The following ABCA1 variants were observed in gnomAD, a reference collection of about 807,000 sequenced individuals.
ABCA1 encodes phospholipid-transporting ATPase ABCA1.
A neutral mutation model predicts 262.5 loss-of-function variants in ABCA1; 133 were observed. The observed-to-expected ratio is 0.51, with a 90% CI of 0.44 to 0.59. The LOEUF (loss-of-function observed/expected upper bound fraction) is 0.59, where lower values mean the gene tolerates loss of function less well. Among genes scored for constraint, ABCA1 ranks in the 20% least tolerant of loss-of-function variants. The probability of loss-of-function intolerance (pLI) is 0.00; values close to 1 mark genes in which losing one functional copy is unlikely to be tolerated. For missense variants in ABCA1, 2,452 were observed against 2,777.5 expected, an observed-to-expected ratio of 0.88 and a Z score of 2.63; for synonymous variants, 1,022 against 1,043.5, an observed-to-expected ratio of 0.98 and a Z score of 0.40.
At chr9:104,854,299 A>C (rs910548686) in intron 7 of ABCA1, among the ~76,000 whole-genome samples, 2 of 152,110 alleles carry the variant, frequency 1.3e-5, no homozygotes, top group South Asian at 2.1e-4. Flanking sequence ...GAGCCCCCCC[A>C]AAAAAACACA....
chr9:104,854,264 G>A (rs1835638140), intron 7 of ABCA1, among the ~76,000 whole-genome samples: 1 of 152,084 alleles, frequency 6.6e-6, no homozygotes, highest in Non-Finnish European at 1.5e-5. Flanking sequence ...TATCCTGGAT[G>A]AGCTCCAAAG....
Position 104,840,269 on chromosome 9 carries a change from G to C in ABCA1, c.1054+10C>G. The C allele has an allele frequency of 6.2e-7, 1 of 1,614,114 alleles. No individual in the cohort carries two copies. Among genetic ancestry groups the C allele is most frequent in the South Asian group, 1.1e-5 (1 of 91,058 alleles). ...TTGGGGACAGGGCTGGGGTCTGCATGGACACTCACTTGTAGAGTTGTCATA... is the reference window on the plus strand; with the variant it reads ...TTGGGGACAGGGCTGGGGTCTGCATCGACACTCACTTGTAGAGTTGTCATA... On this transcript the variant is annotated intron_variant, in intron 9 of 49. Transcript: ENST00000374736.
chr9:104,886,681 G>A lies in ABCA1; in HGVS notation c.161-2113C>T, dbSNP rs552584374. 1.5e-4 allele frequency among the ~76,000 whole-genome samples: 23 copies of A among 152,324 alleles called. 1 individual carries two copies. Among genetic ancestry groups the A allele is most frequent in the African/African-American group, 5.5e-4 (23 of 41,574 alleles). On this transcript the variant is annotated intron_variant, in intron 3 of 49. Transcript: ENST00000374736. Reference sequence around the variant, plus strand: ...GGTATTTCAGGTTATCCCTTAGCAGGGGTGGCAAAGGCCCTTCCTTGTACG... The same window carrying A: ...GGTATTTCAGGTTATCCCTTAGCAGAGGTGGCAAAGGCCCTTCCTTGTACG...
chr9:104,825,810 C>A lies in ABCA1; in HGVS notation c.2415G>T (p.Gln805His), dbSNP rs1203951749. The change falls in exon 17 of 50, where the codon CAG (glutamine) becomes CAT (histidine). Residue 805 changes from glutamine to histidine, a missense_variant. Gln to His is a conservative substitution (Grantham distance 24, BLOSUM62 0). This residue lies in a region of ABCA1 where 1,032 missense variants were observed against 1,089.7 expected (regional missense o/e 0.95). Transcript: ENST00000374736. Reference protein sequence around the residue: ...ALFEEQGIGVQWDNLFESPVE... With the variant: ...ALFEEQGIGVHWDNLFESPVE... ...CAGGACTCTCAAACAGGTTGTCCCA[C>A]TGCACTCCAATGCCCTGCTCCTCAA... 1 of 1,614,114 alleles carries A rather than the reference C, an allele frequency of 6.2e-7. No individual in the cohort carries two copies. The highest frequency in any genetic ancestry group is 8.5e-7 in the Non-Finnish European group (1 of 1,180,042).
intron 2 of ABCA1, among the ~76,000 whole-genome samples, chr9:104,893,743 G>A (rs1839972923): frequency 6.6e-6 from 1 of 152,140 alleles, no homozygotes; most frequent in Admixed American, 6.5e-5. Flanking sequence ...CAGTAGCGGG[G>A]TTGAGATGAG....
Position 104,796,400 on chromosome 9 carries a change from G to C in ABCA1, c.5146C>G (p.Leu1716Val), listed in dbSNP as rs1829900481. ...DMCNYVVPAT[L>V]VIIIFICFQQ... is the part of the protein sequence containing the mutation. The stretch of plus-strand genomic sequence containing the variant: ...AAGCAGATGAAGATGATAATGACCA[G>C]TGTGGCAGGGACAACGTAATTGCAC... The change falls in exon 38 of 50, where the codon CTG (leucine) becomes GTG (valine). Residue 1716 changes from leucine to valine, a missense_variant. Transcript: ENST00000374736. The C allele has an allele frequency of 6.2e-7, 1 of 1,614,152 alleles. No individual in the cohort carries two copies. The highest frequency in any genetic ancestry group is 2.2e-5 in the East Asian group (1 of 44,874).
chr9:104,876,871 T>C (rs1423941313), intron 5 of ABCA1, among the ~76,000 whole-genome samples: 1 of 152,170 alleles, frequency 6.6e-6, no homozygotes, highest in South Asian at 2.1e-4. Flanking sequence ...TGCCCCACCA[T>C]GCCCTGGCAG....
Position 104,793,376 on chromosome 9 carries a change from T to C in ABCA1, c.5507-76A>G, listed in dbSNP as rs962733385. The C allele has an allele frequency of 1.4e-5, 22 of 1,598,706 alleles. No individual in the cohort carries two copies. In the African/African-American group the frequency reaches 2.7e-4, roughly 19 times the overall value. On this transcript the variant is annotated intron_variant, in intron 40 of 49. Transcript: ENST00000374736. ...TGGCCCTTCCTCAAATTTGGGCCTATGTTCCTTAAAATTCACCGATCTTCC... is the reference window on the plus strand; with the variant it reads ...TGGCCCTTCCTCAAATTTGGGCCTACGTTCCTTAAAATTCACCGATCTTCC...
chr9:104,879,989 G>A (rs146439254), intron 5 of ABCA1, among the ~76,000 whole-genome samples: 6 of 152,292 alleles, frequency 3.9e-5, no homozygotes, highest in African/African-American at 1.2e-4. Context: ...AGCTGTCTTC[G>A]ACTATTTCAA....
intron 3 of ABCA1, 61 bp downstream of exon 3, chr9:104,889,041 G>A (rs1365167444): frequency 3.4e-6 from 5 of 1,460,644 alleles, no homozygotes; most frequent in Admixed American, 1.7e-5. Context: ...TTTAGCCCAC[G>A]TTAATTGCCT....
intron 37 of ABCA1, among the ~76,000 whole-genome samples, chr9:104,797,304 T>TA (rs1471061032): frequency 6.6e-6 from 1 of 152,244 alleles, no homozygotes; most frequent in Non-Finnish European, 1.5e-5. Flanking sequence ...AAAACCCATG[T>TA]AATTTAATAT....
chr9:104,927,880 C>T (rs1272442988), intron 1 of ABCA1, 55 bp downstream of exon 1: 2 of 152,498 alleles, frequency 1.3e-5, no homozygotes, highest in East Asian at 3.9e-4. Flanking sequence ...CCGAAGCCTC[C>T]TTGGCCTCGA....
At chr9:104,912,736 T>C (rs1454637106) in intron 1 of ABCA1, among the ~76,000 whole-genome samples, 1 of 152,188 alleles carries the variant, frequency 6.6e-6, no homozygotes, top group Non-Finnish European at 1.5e-5. Context: ...ATTTGCCTTT[T>C]CCCTGGTCGG....
intron 35 of ABCA1, 39 bp downstream of exon 35, chr9:104,800,471 G>T (rs563949864): frequency 6.3e-7 from 1 of 1,574,952 alleles, no homozygotes; most frequent in African/African-American, 1.3e-5. Flanking sequence ...AAGGATTATT[G>T]TTCATCAAAA....
intron 7 of ABCA1, chr9:104,855,670 G>C (rs1304274534): frequency 2.0e-6 from 3 of 1,483,214 alleles, no homozygotes; most frequent in Non-Finnish European, 2.7e-6. Context: ...AATATATTAT[G>C]TGTATGTAGA....
chr9:104,867,610 C>A (rs1324570597), intron 5 of ABCA1, among the ~76,000 whole-genome samples: 1 of 152,184 alleles, frequency 6.6e-6, no homozygotes, highest in African/African-American at 2.4e-5. Flanking sequence ...TTATTGAGTT[C>A]TTTCTGCTGA....
chr9:104,914,035 G>A (rs375335116), intron 1 of ABCA1, among the ~76,000 whole-genome samples: 534 of 151,490 alleles, frequency 3.5e-3, no homozygotes, highest in Non-Finnish European at 5.8e-3. Context: ...TCCTGACCTC[G>A]TGATCCACCC....
In ABCA1 at chr9:104,803,281, T is replaced by C; in HGVS notation, c.4592+3A>G. 6.2e-7 allele frequency: 1 copy of C among 1,614,128 alleles called. No homozygotes were observed. Among genetic ancestry groups the C allele is most frequent in the Non-Finnish European group, 8.5e-7 (1 of 1,179,992 alleles). ...TAAACGTGCCAGAAAGACAGCAACT[T>C]ACCTAAACTCATTCACCCAGATCTT... is the stretch of plus-strand genomic sequence containing the variant. On this transcript the variant is annotated splice_donor_region_variant and intron_variant, in intron 33 of 49. Transcript: ENST00000374736.
intron 1 of ABCA1, among the ~76,000 whole-genome samples, chr9:104,913,222 A>T (rs1841608115): frequency 6.6e-6 from 1 of 152,180 alleles, no homozygotes; most frequent in South Asian, 2.1e-4. Flanking sequence ...CTATTCTACC[A>T]TGCAGAAAAC....
Sources: allele counts gnomAD v4.1 joint callset (sites outside exome capture counted in the v4.1 genomes callset), GRCh38; gene constraint gnomAD v4.1.1; regional missense constraint gnomAD v4.1.1; transcripts MANE v1.5; gene names NCBI Gene and HGNC (gene_info 2026-07-23, HGNC 2026-07-21).